The following MRPL54 variants were observed in gnomAD, a reference collection of about 807,000 sequenced individuals.
MRPL54 encodes the protein mitochondrial ribosomal protein L54, also known as large ribosomal subunit protein mL54.
Under a neutral mutation model 15.6 loss-of-function variants are expected in MRPL54, and 12 were observed. The ratio of observed to expected loss-of-function variants is 0.77; its 90% confidence interval spans 0.49 to 1.24. The LOEUF (loss-of-function observed/expected upper bound fraction) is 1.24. Ranked by LOEUF, MRPL54 falls within the 50% of genes most tolerant of loss-of-function variation. The probability of loss-of-function intolerance (pLI) is 0.00; values close to 1 mark genes in which losing one functional copy is unlikely to be tolerated. For missense variants in MRPL54, 178 were observed against 186.8 expected (o/e 0.95, Z 0.28); for synonymous variants, 91 against 75.7 (o/e 1.20, Z -1.05).
intron 1 of MRPL54, among the ~76,000 whole-genome samples, chr19:3,764,879 T>C (rs1210304185): frequency 6.6e-6 from 1 of 151,640 alleles, no homozygotes; most frequent in Non-Finnish European, 1.5e-5. Context: ...ATACAAAAAA[T>C]TAGCTGGGCG....
At position 3,765,321 on chromosome 19, in the gene MRPL54, T is replaced by G. The variant is rs778070273; in HGVS notation, c.274T>G (p.Tyr92Asp). Residue 92 changes from tyrosine to aspartate, a missense_variant, in exon 2 of 3, where the codon TAC (tyrosine) becomes GAC (aspartate). Tyr to Asp is a radical substitution (Grantham distance 160). Coordinates refer to ENST00000330133, the MANE Select transcript of MRPL54 (RefSeq NM_172251.3). ...QDVPLKPDAEYPEWLFEMNLG... is the reference protein window; with the variant it reads ...QDVPLKPDAEDPEWLFEMNLG... Reference sequence around the variant, plus strand: ...TGTACCCCTGAAACCGGATGCTGAGTACCCTGAATGGTGAGTAGGCCAGGC... The same window carrying G: ...TGTACCCCTGAAACCGGATGCTGAGGACCCTGAATGGTGAGTAGGCCAGGC... 12 of 1,613,674 alleles carry G rather than the reference T, an allele frequency of 7.4e-6. No homozygotes were observed. Among genetic ancestry groups the G allele is most frequent in the Non-Finnish European group, 8.5e-6 (10 of 1,179,818 alleles).
Position 3,762,685 on chromosome 19 carries a change from C to T in MRPL54, c.-16C>T, listed in dbSNP as rs2037160683. 1 of 1,609,154 alleles carries T rather than the reference C, an allele frequency of 6.2e-7. No individual in the cohort carries two copies. Among genetic ancestry groups the T allele is most frequent in the Non-Finnish European group, 8.5e-7 (1 of 1,177,446 alleles). On this transcript the variant is annotated 5_prime_UTR_variant, in exon 1 of 3. Transcript: ENST00000330133. ...TCTTCCGGAAACGTGCACTTGCAAG[C>T]TGCCCGCAATACGTCATGGCGACCA...
rs1394070242 is a variant in MRPL54 at position 3,765,324 on chromosome 19, C to G, written c.277C>G (p.Pro93Ala). ...ACCCCTGAAACCGGATGCTGAGTAC[C>G]CTGAATGGTGAGTAGGCCAGGCTGT... is the stretch of plus-strand genomic sequence containing the variant. ...DVPLKPDAEY[P>A]EWLFEMNLGP... The change falls in exon 2 of 3, where the codon CCT becomes GCT. Residue 93 changes from proline to alanine, a missense_variant. Coordinates refer to ENST00000330133, the MANE Select transcript of MRPL54 (RefSeq NM_172251.3). 6 of 1,613,456 alleles carry G rather than the reference C, an allele frequency of 3.7e-6. No individual in the cohort carries two copies. In the East Asian group the frequency reaches 1.3e-4, roughly 36 times the overall value.
At position 3,767,332 on chromosome 19, in the gene MRPL54, G is replaced by A. The variant is rs200612448; in HGVS notation, c.356G>A (p.Arg119Gln). ...ELDPESREYW[R>Q]RLRKQNIWRH... is the part of the protein sequence containing the mutation. ...GACCCCGAGAGCCGGGAGTACTGGC[G>A]GCGGCTGCGGAAACAGAACATCTGG... The change falls in exon 3 of 3, where the codon CGG becomes CAG. Residue 119 changes from arginine (R) to glutamine (Q), a missense_variant. Coordinates refer to ENST00000330133, the MANE Select transcript of MRPL54 (RefSeq NM_172251.3). The A allele has an allele frequency of 1.8e-4, 282 of 1,610,874 alleles. 1 individual carries two copies. The East Asian group carries it at 5.3e-3, about 30-fold the overall frequency.
At chr19:3,764,489 C>G (rs1017864454) in intron 1 of MRPL54, among the ~76,000 whole-genome samples, 3 of 149,274 alleles carry the variant, frequency 2.0e-5, no homozygotes, top group Admixed American at 6.7e-5. Context: ...CTCACTGCAA[C>G]CTCCGCCTCC....
intron 1 of MRPL54, among the ~76,000 whole-genome samples, chr19:3,764,909 TC>T (rs1396284377): frequency 1.3e-4 from 20 of 151,270 alleles, no homozygotes; most frequent in Non-Finnish European, 2.9e-4. Context: ...GCGCCTGTAG[TC>T]CCAGCTACTT....
At chr19:3,764,851 A>G (rs1039700870) in intron 1 of MRPL54, among the ~76,000 whole-genome samples, 1 of 150,872 alleles carries the variant, frequency 6.6e-6, no homozygotes, top group Non-Finnish European at 1.5e-5. Context: ...ACACGGTGAA[A>G]CCCCGTCTCT....
At chr19:3,767,118 C>T (rs1426903001) in intron 2 of MRPL54, 143 bp from the exon 3 acceptor site, 25 of 1,069,802 alleles carry the variant, frequency 2.3e-5, no homozygotes, top group South Asian at 1.4e-4. Context: ...AGCCCAGGGT[C>T]GGGGAGGGAC....
intron 1 of MRPL54, among the ~76,000 whole-genome samples, chr19:3,763,037 C>T (rs1174135644): frequency 6.6e-6 from 1 of 152,200 alleles, no homozygotes; most frequent in Admixed American, 6.5e-5. Flanking sequence ...AGGGCGCAGG[C>T]GCCAGCTTGG....
In MRPL54 at chr19:3,767,315, G is replaced by C; in HGVS notation, c.339G>C (p.Glu113Asp). The change falls in exon 3 of 3, where the codon GAG becomes GAC. Residue 113 changes from glutamate to aspartate, a missense_variant. Physicochemically the swap from Glu to Asp is conservative, Grantham distance 45 (BLOSUM62 2). Transcript: ENST00000330133. ...PPKTLEELDP[E>D]SREYWRRLRK... is the part of the protein sequence containing the mutation. ...AGACCCTGGAGGAGCTGGACCCCGA[G>C]AGCCGGGAGTACTGGCGGCGGCTGC... 1 of 1,612,398 alleles carries C rather than the reference G, an allele frequency of 6.2e-7. No homozygotes were observed. Among genetic ancestry groups the C allele is most frequent in the Non-Finnish European group, 8.5e-7 (1 of 1,179,398 alleles).
intron 1 of MRPL54, among the ~76,000 whole-genome samples, chr19:3,763,174 CT>C (rs540454341): frequency 1.2e-3 from 188 of 152,362 alleles, no homozygotes; most frequent in African/African-American, 4.3e-3. Flanking sequence ...TTCTGTTTCT[CT>C]GCCTGCCTCC....
Position 3,765,170 on chromosome 19 carries a change from G to GA in MRPL54, c.125dup (p.Ala44GlyfsTer48). On this transcript the variant is annotated frameshift_variant, in exon 2 of 3. Transcript: ENST00000330133. LOFTEE classifies it high-confidence loss of function. ...CTCTCCCTCTCGTCTCCCCAGTTAT[G>GA]AAGGGGGCCAAATCGGGAAAAGGTG... 1 of 1,610,746 alleles carries GA rather than the reference G, an allele frequency of 6.2e-7. No homozygotes were observed.
intron 1 of MRPL54, 140 bp from the exon 2 acceptor site, chr19:3,765,026 C>CA (rs368567858): frequency 0.16 from 103,437 of 662,394 alleles, 294 homozygotes; most frequent in African/African-American, 0.18. Context: ...GACTCCGTCT[C>CA]AAAAAAAAAA....
At chr19:3,764,824 C>G (rs564027825) in intron 1 of MRPL54, among the ~76,000 whole-genome samples, 34 of 151,760 alleles carry the variant, frequency 2.2e-4, no homozygotes, top group East Asian at 7.9e-4. Flanking sequence ...GTCAGGAGAT[C>G]GAGACCATCC....
At chr19:3,764,811 G>A (rs367695758) in intron 1 of MRPL54, among the ~76,000 whole-genome samples, 23 of 151,834 alleles carry the variant, frequency 1.5e-4, no homozygotes, top group South Asian at 1.0e-3. Context: ...GGCAGATCAC[G>A]AGGTCAGGAG....
chr19:3,762,715 C>T lies in MRPL54; in HGVS notation c.15C>T (p.Arg5=). 1 of 1,611,790 alleles carries T rather than the reference C, an allele frequency of 6.2e-7. No homozygotes were observed. Among genetic ancestry groups the T allele is most frequent in the Non-Finnish European group, 8.5e-7 (1 of 1,179,158 alleles). Residue 5 remains arginine, a synonymous_variant, in exon 1 of 3, where the codon CGC becomes CGT. Transcript: ENST00000330133. The part of the protein sequence containing the change: MATK[R]LFGATRTWAG... ...CGCAATACGTCATGGCGACCAAACG[C>T]CTTTTCGGGGCTACCCGGACGTGGG...
rs60200777 is a variant in MRPL54, at chr19:3,763,615, T to TAAA, written c.118+810_118+812dup. Among the ~76,000 whole-genome samples the TAAA allele has an allele frequency of 5.2e-4, 76 of 145,376 alleles. 1 individual carries two copies. The highest frequency in any genetic ancestry group is 4.2e-3 in the South Asian group (19 of 4,578). On this transcript the variant is annotated intron_variant, in intron 1 of 2. Transcript: ENST00000330133. ...GCAACATAGCAGGACCCTGTTTGTATAAAAAAAAAAAAAAATTGCCTGGCG... is the reference window on the plus strand; with the variant it reads ...GCAACATAGCAGGACCCTGTTTGTATAAAAAAAAAAAAAAAAAATTGCCTGGCG...
intron 2 of MRPL54, among the ~76,000 whole-genome samples, chr19:3,766,072 TG>T (rs766871418): frequency 1.9e-4 from 29 of 149,140 alleles, no homozygotes; most frequent in Non-Finnish European, 4.2e-4. Flanking sequence ...CCACCATGCC[TG>T]GCTAATTTTT....
chr19:3,762,835 G>C lies in MRPL54; in HGVS notation c.118+17G>C. 6.5e-7 allele frequency: 1 copy of C among 1,535,858 alleles called. No individual in the cohort carries two copies. The highest frequency in any genetic ancestry group is 8.8e-7 in the Non-Finnish European group (1 of 1,134,378). On this transcript the variant is annotated intron_variant, in intron 1 of 2. Transcript: ENST00000330133. Reference sequence around the variant, plus strand: ...AGAAACCAGGTGAGCTGGGTTAAGAGGAACCAAATGGGGACGGTGGGTGCA... The same window carrying C: ...AGAAACCAGGTGAGCTGGGTTAAGACGAACCAAATGGGGACGGTGGGTGCA...
Sources: allele counts gnomAD v4.1 joint callset (sites outside exome capture counted in the v4.1 genomes callset), GRCh38; gene constraint gnomAD v4.1.1; transcripts MANE v1.5; gene names NCBI Gene and HGNC (gene_info 2026-07-23, HGNC 2026-07-21).